The following CELSR2 variants were observed in gnomAD, a reference collection of about 807,000 sequenced individuals.
The protein encoded by CELSR2 is EGF-like protein 2.
Under a neutral mutation model 251.6 loss-of-function variants are expected in CELSR2, and 81 were observed. That is an observed-to-expected ratio of 0.32 (90% CI 0.27 to 0.39). The LOEUF (loss-of-function observed/expected upper bound fraction) is 0.39. Ranked by LOEUF, CELSR2 falls within the 10% of genes least tolerant of loss-of-function variation. CELSR2 has a pLI of 1.00. For missense variants in CELSR2, 3,365 were observed against 3,947.7 expected, an observed-to-expected ratio of 0.85 and a Z score of 3.96; for synonymous variants, 1,721 against 1,670.5, an observed-to-expected ratio of 1.03 and a Z score of -0.74.
rs369951311 is a variant in CELSR2 at position 109,251,278 on chromosome 1, G to A, written c.1199G>A (p.Ser400Asn). 1.2e-6 allele frequency: 2 copies of A among 1,614,172 alleles called. No homozygotes were observed. Among genetic ancestry groups the A allele is most frequent in the Admixed American group, 3.3e-5 (2 of 60,028 alleles). ...EDDNDNAPQF[S>N]EKRYVVQVRE... The stretch of plus-strand genomic sequence containing the variant: ...GACAATGATAATGCCCCCCAGTTTA[G>A]TGAGAAGCGCTATGTGGTCCAGGTG... The change falls in exon 1 of 34, where the codon AGT becomes AAT. Residue 400 changes from serine (S) to asparagine (N), a missense_variant. Transcript: ENST00000271332. This position sits in a 1 kb window ranked among gnomAD's most constrained non-coding sequence, Gnocchi z 4.9.
chr1:109,269,411 T>C lies in CELSR2; in HGVS notation c.6813-13T>C, dbSNP rs780544186. Reference sequence around the variant, plus strand: ...CTGCCGTGGTGACTGTGCACCTGACTGCCCCACATCAGAGTCCCCAAACGC... The same window carrying C: ...CTGCCGTGGTGACTGTGCACCTGACCGCCCCACATCAGAGTCCCCAAACGC... On this transcript the variant is annotated splice_polypyrimidine_tract_variant and intron_variant, in intron 20 of 33. Transcript: ENST00000271332. This position sits in a 1 kb window ranked among gnomAD's most constrained non-coding sequence, Gnocchi z 6.4. 5.6e-6 allele frequency: 9 copies of C among 1,612,858 alleles called. No homozygotes were observed. The highest frequency in any genetic ancestry group is 7.6e-6 in the Non-Finnish European group (9 of 1,179,354).
At chr1:109,257,543 TGTTTATAA>T (rs1476292160) in intron 1 of CELSR2, among the ~76,000 whole-genome samples, 1 of 152,166 alleles carries the variant, frequency 6.6e-6, no homozygotes, top group African/African-American at 2.4e-5. Flanking sequence ...AGTGCTTAGC[TGTTTATAA>T]GTGAGTGTGT....
chr1:109,269,488 C>T lies in CELSR2; in HGVS notation c.6877C>T (p.Leu2293Phe). 6.2e-7 allele frequency: 1 copy of T among 1,614,106 alleles called. No homozygotes were observed. Among genetic ancestry groups the T allele is most frequent in the South Asian group, 1.1e-5 (1 of 91,080 alleles). Residue 2293 changes from leucine to phenylalanine, a missense_variant, in exon 21 of 34, where the codon CTT becomes TTT. By Grantham distance (22) the Leu-to-Phe change is conservative. Coordinates refer to ENST00000271332, the MANE Select transcript of CELSR2 (RefSeq NM_001408.3). This position sits in a 1 kb window ranked among gnomAD's most constrained non-coding sequence, Gnocchi z 6.4. The part of the protein sequence containing the change: ...VSISVHDDEE[L>F]LPRALDKPVT... ...CATCAGCGTCCATGATGATGAGGAG[C>T]TTCTGCCCCGGGCCCTGGACAAACC...
intron 1 of CELSR2, among the ~76,000 whole-genome samples, chr1:109,257,879 G>A (rs1440923090): frequency 6.6e-6 from 1 of 152,196 alleles, no homozygotes; most frequent in East Asian, 1.9e-4. Context: ...TTGCCATGGG[G>A]ATAGCAGGTC....
At position 109,250,583 on chromosome 1, in the gene CELSR2, T is replaced by A. The variant is rs1655657413; in HGVS notation, c.504T>A (p.Gly168=). ...AAAGGTCACCAGAAGAGTCCCTGGGTGGGCGTCGGAAAAGGAATGTAAATA... is the reference window on the plus strand; with the variant it reads ...AAAGGTCACCAGAAGAGTCCCTGGGAGGGCGTCGGAAAAGGAATGTAAATA... The part of the protein sequence containing the change: ...AGERSPEESL[G]GRRKRNVNTA... The change falls in exon 1 of 34, where the codon GGT becomes GGA. Residue 168 remains glycine, a synonymous_variant. Coordinates refer to ENST00000271332, the MANE Select transcript of CELSR2 (RefSeq NM_001408.3). The surrounding 1 kb of genome is among the most constrained non-coding windows in gnomAD (Gnocchi z 4.4). The A allele has an allele frequency of 6.2e-7, 1 of 1,613,796 alleles. No individual in the cohort carries two copies. The highest frequency in any genetic ancestry group is 1.3e-5 in the African/African-American group (1 of 74,890).
In CELSR2 at chr1:109,261,984, G is replaced by GT. The variant is rs1392957161; in HGVS notation, c.4386+89dup. On this transcript the variant is annotated intron_variant, in intron 5 of 33. Transcript: ENST00000271332. This position sits in a 1 kb window ranked among gnomAD's most constrained non-coding sequence, Gnocchi z 4.8. The stretch of plus-strand genomic sequence containing the variant: ...TGAGTGGCATTGCCTCCAGGCTTGG[G>GT]TGGGCTGGTCAGGGCATTTCTGGCT... 1 of 1,399,364 alleles carries GT rather than the reference G, an allele frequency of 7.1e-7. No homozygotes were observed. Among genetic ancestry groups the GT allele is most frequent in the Non-Finnish European group, 9.9e-7 (1 of 1,010,498 alleles). The allele number at this position is 1,399,364 out of a possible 1,614,324, so 86.7% of individuals were successfully genotyped here.
rs1373260419 is a variant in CELSR2, at chr1:109,275,626, C to A, written c.*1577C>A. 1 of 152,202 alleles carries A rather than the reference C, an allele frequency of 6.6e-6. No individual in the cohort carries two copies. The highest frequency in any genetic ancestry group is 2.4e-5 in the African/African-American group (1 of 41,438). 9.4% of individuals were successfully genotyped at this position (152,202 alleles called of 1,614,324 possible). A position where few individuals can be genotyped will look rare whatever the true frequency, so the allele number is the denominator to read the frequency against. On this transcript the variant is annotated 3_prime_UTR_variant, in exon 34 of 34. Transcript: ENST00000271332. ...TTGATTTAAAAAAAATACAAAGATG[C>A]TGGATGCTAACTTGGTACTAACCAT...
chr1:109,256,070 G>C (rs777258850), intron 1 of CELSR2, among the ~76,000 whole-genome samples: 2 of 152,214 alleles, frequency 1.3e-5, no homozygotes, highest in Non-Finnish European at 2.9e-5. Flanking sequence ...TGGAGTCTTG[G>C]GCTGCTTTCT....
Position 109,250,662 on chromosome 1 carries a change from C to T in CELSR2, c.583C>T (p.Pro195Ser), listed in dbSNP as rs777753690. The T allele has an allele frequency of 1.2e-6, 2 of 1,614,114 alleles. No individual in the cohort carries two copies. The highest frequency in any genetic ancestry group is 1.7e-6 in the Non-Finnish European group (2 of 1,180,032). ...CCAGGCCACAGTGCCGGAGAACCAG[C>T]CAGCAGGCACCCCTGTTGCATCCCT... The part of the protein sequence containing the change: ...SYQATVPENQ[P>S]AGTPVASLRA... Residue 195 changes from proline (P) to serine (S), a missense_variant, in exon 1 of 34, where the codon CCA (proline) becomes TCA (serine). Coordinates refer to ENST00000271332, the MANE Select transcript of CELSR2 (RefSeq NM_001408.3). This position sits in a 1 kb window ranked among gnomAD's most constrained non-coding sequence, Gnocchi z 4.4.
In CELSR2 at chr1:109,251,614, C is replaced by T; in HGVS notation, c.1535C>T (p.Ala512Val). The change falls in exon 1 of 34, where the codon GCT becomes GTT. Residue 512 changes from alanine to valine, a missense_variant. Transcript: ENST00000271332. The surrounding 1 kb of genome is among the most constrained non-coding windows in gnomAD (Gnocchi z 4.9). The stretch of plus-strand genomic sequence containing the variant: ...ATCTTCGTCAGCACCCCTTTCCAGG[C>T]TACTGTCCTGGAGAGTGTCCCCTTA... ...APIFVSTPFQATVLESVPLGY... is the reference protein window; with the variant it reads ...APIFVSTPFQVTVLESVPLGY... The T allele has an allele frequency of 1.2e-6, 2 of 1,613,834 alleles. No homozygotes were observed. Among genetic ancestry groups the T allele is most frequent in the Non-Finnish European group, 1.7e-6 (2 of 1,179,860 alleles).
Position 109,272,337 on chromosome 1 carries a change from G to A in CELSR2, c.7986G>A (p.Ser2662=), listed in dbSNP as rs577894571. The A allele has an allele frequency of 2.4e-5, 39 of 1,612,370 alleles. No homozygotes were observed. Among genetic ancestry groups the A allele is most frequent in the Non-Finnish European group, 3.1e-5 (36 of 1,178,994 alleles). ...GGCTGTACCAGCCCTACGGAGACTC[G>A]GCCGGCTCTCTGCACAGCACCAGTC... The part of the protein sequence containing the change: ...DGRLYQPYGD[S]AGSLHSTSRS... The change falls in exon 29 of 34, where the codon TCG becomes TCA. Residue 2662 remains serine (S), a synonymous_variant. Coordinates refer to ENST00000271332, the MANE Select transcript of CELSR2 (RefSeq NM_001408.3).
At chr1:109,257,456 G>A (rs944664579) in intron 1 of CELSR2, among the ~76,000 whole-genome samples, 3 of 152,076 alleles carry the variant, frequency 2.0e-5, no homozygotes, top group African/African-American at 7.2e-5. Flanking sequence ...ATTCCCATGT[G>A]TATGTGCATT....
chr1:109,264,788 A>T (rs1656142496), intron 11 of CELSR2, 80 bp from the exon 12 acceptor site: 3 of 1,606,948 alleles, frequency 1.9e-6, no homozygotes, highest in African/African-American at 2.7e-5. Flanking sequence ...CTATGTGGAA[A>T]GAAACAGATG....
In CELSR2 at chr1:109,264,135, C is replaced by G; in HGVS notation, c.5059C>G (p.Leu1687Val). 6.2e-7 allele frequency: 1 copy of G among 1,605,302 alleles called. No individual in the cohort carries two copies. The highest frequency in any genetic ancestry group is 8.5e-7 in the Non-Finnish European group (1 of 1,173,428). ...GGGCACAGGGCTTCAGGCCTCCTCTCTCCGTCTGGAGCCAGGCCGGGCCAA... is the reference window on the plus strand; with the variant it reads ...GGGCACAGGGCTTCAGGCCTCCTCTGTCCGTCTGGAGCCAGGCCGGGCCAA... ...VEGTGLQASSLRLEPGRANDG... is the reference protein window; with the variant it reads ...VEGTGLQASSVRLEPGRANDG... Residue 1687 changes from leucine to valine, a missense_variant, in exon 10 of 34, where the codon CTC (leucine) becomes GTC (valine). By Grantham distance (32) the Leu-to-Val change is conservative. Coordinates refer to ENST00000271332, the MANE Select transcript of CELSR2 (RefSeq NM_001408.3).
At position 109,265,174 on chromosome 1, in the gene CELSR2, T is replaced by G. The variant is rs552728142; in HGVS notation, c.5607-17T>G. ...GTGGCAGGGGGAGCTCATGCCTACC[T>G]GGGTCCCTCTCTGCAGGATTGACCA... On this transcript the variant is annotated splice_polypyrimidine_tract_variant and intron_variant, in intron 12 of 33. Coordinates refer to ENST00000271332, the MANE Select transcript of CELSR2 (RefSeq NM_001408.3). 2 of 1,583,150 alleles carry G rather than the reference T, an allele frequency of 1.3e-6. No individual in the cohort carries two copies. The highest frequency in any genetic ancestry group is 1.7e-6 in the Non-Finnish European group (2 of 1,162,744).
chr1:109,250,185 C>T lies in CELSR2; in HGVS notation c.106C>T (p.Pro36Ser). The change falls in exon 1 of 34, where the codon CCC (proline) becomes TCC (serine). Residue 36 changes from proline to serine, a missense_variant. Transcript: ENST00000271332. This position sits in a 1 kb window ranked among gnomAD's most constrained non-coding sequence, Gnocchi z 4.4. ...GCCACTATTGGGAGACCAAGTGGGG[C>T]CCTGTCGTTCCTTGGGGTCCAGGGG... Reference protein sequence around the residue: ...PPPLLGDQVGPCRSLGSRGRG... With the variant: ...PPPLLGDQVGSCRSLGSRGRG... 1.9e-6 allele frequency: 3 copies of T among 1,600,282 alleles called. No homozygotes were observed. The highest frequency in any genetic ancestry group is 1.7e-4 in the Middle Eastern group (1 of 5,982).
rs777797117 is a variant in CELSR2 at position 109,265,857 on chromosome 1, C to T, written c.5850C>T (p.Ile1950=). The T allele has an allele frequency of 6.5e-5, 105 of 1,613,938 alleles. No individual in the cohort carries two copies. The highest frequency in any genetic ancestry group is 8.6e-5 in the Non-Finnish European group (101 of 1,180,006). The change falls in exon 14 of 34, where the codon ATC becomes ATT. Residue 1950 remains isoleucine, a synonymous_variant. Coordinates refer to ENST00000271332, the MANE Select transcript of CELSR2 (RefSeq NM_001408.3). ...DGQCPCKPGV[I]GRQCDRCDNP... ...AGTGTCCATGCAAGCCAGGTGTCAT[C>T]GGGCGTCAGTGTGACCGCTGTGACA... is the stretch of plus-strand genomic sequence containing the variant.
At chr1:109,268,814 C>T in intron 18 of CELSR2, 50 bp downstream of exon 18, 1 of 1,582,724 alleles carries the variant, frequency 6.3e-7, no homozygotes, top group Non-Finnish European at 8.6e-7. Flanking sequence ...GAGTCCCCGA[C>T]AAGAGCGGCT....
chr1:109,266,559 A>ATTTTTTTTTTT (rs35994599), intron 15 of CELSR2: 395 of 83,738 alleles, frequency 4.7e-3, no homozygotes, highest in African/African-American at 8.0e-3. Flanking sequence ...CACCTGGCTA[A>ATTTTTTTTTTT]TTTTTTTTTT....
Sources: gnomAD v4.1 joint callset for allele counts (sites outside exome capture counted in the v4.1 genomes callset) on GRCh38, gnomAD v4.1.1 for gene constraint, Gnocchi (gnomAD v3.1) non-coding constraint, MANE v1.5 for transcripts, NCBI Gene and HGNC (gene_info 2026-07-23, HGNC 2026-07-21) for gene names.